Variants in UBE3B observed in about 807,000 individuals in gnomAD.
UBE3B encodes ubiquitin protein ligase E3B, also known as ubiquitin-protein ligase E3B.
Under a neutral mutation model 132.3 loss-of-function variants are expected in UBE3B, and 80 were observed. That is an observed-to-expected ratio of 0.60 (90% CI 0.50 to 0.73). The LOEUF is 0.73. Among genes scored for constraint, UBE3B ranks in the 30% least tolerant of loss-of-function variants. The probability of loss-of-function intolerance (pLI) is 0.00; values close to 1 mark genes in which losing one functional copy is unlikely to be tolerated. For synonymous variants in UBE3B, 487 were observed against 520.4 expected (o/e 0.94, Z 0.87); for missense variants, 1,196 against 1,362.5 (o/e 0.88, Z 1.92).
In UBE3B at chr12:109,501,418, G is replaced by T. The variant is rs368887776; in HGVS notation, c.1166G>T (p.Trp389Leu). ...ATCACCAAACAGCTGCAGTTCTTGT[G>T]GGGGGTGCCTCTGATCCGGATCTTC... ...HLITKQLQFL[W>L]GVPLIRIFFC... The change falls in exon 13 of 28, where the codon TGG (tryptophan) becomes TTG (leucine). Residue 389 changes from tryptophan to leucine, a missense_variant. Trp to Leu is a moderately conservative substitution (Grantham distance 61, BLOSUM62 -2). Coordinates refer to ENST00000342494, the MANE Select transcript of UBE3B (RefSeq NM_130466.4). 9 of 1,613,990 alleles carry T rather than the reference G, an allele frequency of 5.6e-6. No individual in the cohort carries two copies. Among genetic ancestry groups the T allele is most frequent in the East Asian group, 2.2e-5 (1 of 44,884 alleles).
At position 109,534,147 on chromosome 12, in the gene UBE3B, CT is replaced by C; in HGVS notation, c.3016-442del. ...ATGCAGTTTGAGCCCGTGATGCCAC[CT>C]TGTACAGGAAGCTACACAGTCCTCG... On this transcript the variant is annotated intron_variant, in intron 27 of 27. Transcript: ENST00000342494. The surrounding 1 kb of genome is among the most constrained non-coding windows in gnomAD (Gnocchi z 5.2). 1 of 1,288,824 alleles carries C rather than the reference CT, an allele frequency of 7.8e-7. No homozygotes were observed. The highest frequency in any genetic ancestry group is 1.0e-6 in the Non-Finnish European group (1 of 991,820). 79.8% of individuals were successfully genotyped at this position (1,288,824 alleles called of 1,614,324 possible). A position where few individuals can be genotyped will look rare whatever the true frequency, so the allele number is the denominator to read the frequency against.
At chr12:109,541,399 C>G (rs1001746544), downstream of UBE3B, among the ~76,000 whole-genome samples, 3 of 152,214 alleles carry the variant, frequency 2.0e-5, no homozygotes, top group Non-Finnish European at 4.4e-5. Context: ...CATTTCACTT[C>G]TCGGAGATTC....
At chr12:109,530,898 G>A (rs1052491274) in intron 26 of UBE3B, among the ~76,000 whole-genome samples, 27 of 152,172 alleles carry the variant, frequency 1.8e-4, no homozygotes, top group Non-Finnish European at 2.8e-4. Flanking sequence ...GCACAGGTGG[G>A]CATACCTGTT....
downstream of UBE3B, among the ~76,000 whole-genome samples, chr12:109,537,992 C>T (rs528730297): frequency 6.6e-6 from 1 of 152,168 alleles, no homozygotes; most frequent in Non-Finnish European, 1.5e-5. Context: ...TGAGCCACCG[C>T]GCCCGGCCAA....
chr12:109,526,206 C>T (rs1882314925), intron 23 of UBE3B, 152 bp from the exon 24 acceptor site: 2 of 764,246 alleles, frequency 2.6e-6, no homozygotes, highest in Non-Finnish European at 4.3e-6. Context: ...ATATTTCAGC[C>T]TTGACTTTTT....
At chr12:109,524,234 C>T in intron 22 of UBE3B, 119 bp downstream of exon 22, 1 of 1,443,290 alleles carries the variant, frequency 6.9e-7, no homozygotes, top group Non-Finnish European at 9.4e-7. Flanking sequence ...GCTACAGGCC[C>T]CTCACATCCC....
intron 19 of UBE3B, chr12:109,520,909 C>G: frequency 2.2e-6 from 1 of 451,380 alleles, no homozygotes; most frequent in South Asian, 3.6e-5. Context: ...CTGCTCTGTC[C>G]CCTTGAGGTC....
chr12:109,531,056 G>C lies in UBE3B; in HGVS notation c.2922+398G>C, dbSNP rs533700712. ...ATAAGCAAAATATTAAACAATTGCT[G>C]TTCCTCCAGTATGGAATTGTCAACT... On this transcript the variant is annotated intron_variant, in intron 26 of 27. Transcript: ENST00000342494. 5.3e-5 allele frequency among the ~76,000 whole-genome samples: 8 copies of C among 152,188 alleles called. No individual in the cohort carries two copies. In the East Asian group the frequency reaches 1.4e-3, roughly 26 times the overall value.
intron 5 of UBE3B, among the ~76,000 whole-genome samples, 175 bp from the exon 6 acceptor site, chr12:109,486,296 A>T (rs1322191161): frequency 6.6e-6 from 1 of 152,122 alleles, no homozygotes; most frequent in African/African-American, 2.4e-5. Context: ...TTACTAGGCT[A>T]TTTTGTCTTT....
At chr12:109,480,390 G>GTAATCCTAA (rs1173371837) in intron 1 of UBE3B, among the ~76,000 whole-genome samples, 1 of 152,114 alleles carries the variant, frequency 6.6e-6, no homozygotes, top group Non-Finnish European at 1.5e-5. Flanking sequence ...GCTCATACCT[G>GTAATCCTAA]TAATCCTAAC....
chr12:109,521,203 G>A lies in UBE3B; in HGVS notation c.2132G>A (p.Arg711His), dbSNP rs1248127663. 8 of 1,614,212 alleles carry A rather than the reference G, an allele frequency of 5.0e-6. No homozygotes were observed. The highest frequency in any genetic ancestry group is 6.8e-6 in the Non-Finnish European group (8 of 1,180,032). The change falls in exon 20 of 28, where the codon CGT becomes CAT. Residue 711 changes from arginine to histidine, a missense_variant. By Grantham distance (29) the Arg-to-His change is conservative (BLOSUM62 0). Coordinates refer to ENST00000342494, the MANE Select transcript of UBE3B (RefSeq NM_130466.4). The surrounding 1 kb of genome is among the most constrained non-coding windows in gnomAD (Gnocchi z 4.2). ...CAGCACGCCATGAAGGGGGTCATCCGTGTGAAGTTTGTCAATGACCTCGGG... is the reference window on the plus strand; with the variant it reads ...CAGCACGCCATGAAGGGGGTCATCCATGTGAAGTTTGTCAATGACCTCGGG... ...LSQHAMKGVI[R>H]VKFVNDLGVD...
chr12:109,518,556 G>A (rs1231028672), intron 19 of UBE3B, among the ~76,000 whole-genome samples: 5 of 152,126 alleles, frequency 3.3e-5, no homozygotes, highest in Non-Finnish European at 7.4e-5. Flanking sequence ...AGACCCAGAT[G>A]CATCTCCCTT....
At chr12:109,517,212 G>A (rs1280000462) in intron 19 of UBE3B, among the ~76,000 whole-genome samples, 1 of 152,170 alleles carries the variant, frequency 6.6e-6, no homozygotes, top group Non-Finnish European at 1.5e-5. Flanking sequence ...ACACTCTCAG[G>A]TCTGTGCAAA....
At chr12:109,493,854 C>T (rs73196270) in intron 9 of UBE3B, among the ~76,000 whole-genome samples, 8,137 of 152,236 alleles carry the variant, frequency 0.053, 303 homozygotes, top group Non-Finnish European at 0.082. Flanking sequence ...GAGACAAGGT[C>T]GTGCTTTGCC....
intron 19 of UBE3B, among the ~76,000 whole-genome samples, chr12:109,517,630 A>C (rs1881224792): frequency 6.6e-6 from 1 of 152,188 alleles, no homozygotes. Flanking sequence ...ATACATGCTC[A>C]TCCTGCCAGC....
chr12:109,543,489 G>A, the UBE3B span, among the ~76,000 whole-genome samples: 1 of 152,208 alleles, frequency 6.6e-6, no homozygotes, highest in Non-Finnish European at 1.5e-5. Context: ...GTTCTCTGTG[G>A]CTCACACCCT....
chr12:109,530,308 C>T (rs907221014), intron 25 of UBE3B, among the ~76,000 whole-genome samples: 2 of 152,204 alleles, frequency 1.3e-5, no homozygotes, highest in Non-Finnish European at 2.9e-5. Context: ...GAGATGGGGT[C>T]AGAGGATCTG....
chr12:109,504,854 T>TAGTGC (rs1879465858), intron 14 of UBE3B, among the ~76,000 whole-genome samples: 2 of 151,350 alleles, frequency 1.3e-5, no homozygotes, highest in Admixed American at 1.3e-4. Context: ...GCCCAGGCTG[T>TAGTGC]AGTGCAGTAG....
intron 21 of UBE3B, 148 bp from the exon 22 acceptor site, chr12:109,523,830 G>A: frequency 9.0e-7 from 1 of 1,110,550 alleles, no homozygotes; most frequent in Non-Finnish European, 1.3e-6. Flanking sequence ...AGAGGATGGG[G>A]AGATACTGCC....
Sources: allele counts gnomAD v4.1 joint callset (sites outside exome capture counted in the v4.1 genomes callset), GRCh38; gene constraint gnomAD v4.1.1; non-coding constraint Gnocchi (gnomAD v3.1); transcripts MANE v1.5; gene names NCBI Gene and HGNC (gene_info 2026-07-23, HGNC 2026-07-21).